ZNF624: variants seen among roughly 807,000 people sequenced by gnomAD.
ZNF624 encodes the protein zinc finger protein 624.
A neutral mutation model predicts 74.7 loss-of-function variants in ZNF624; 43 were observed. The observed-to-expected ratio is 0.58, with a 90% CI of 0.45 to 0.74. The LOEUF (loss-of-function observed/expected upper bound fraction) is 0.74. Ranked by LOEUF, ZNF624 falls within the 30% of genes least tolerant of loss-of-function variation. The probability of loss-of-function intolerance (pLI) is 0.00; values close to 1 mark genes in which losing one functional copy is unlikely to be tolerated. For missense variants in ZNF624, 820 were observed against 1,030.0 expected (o/e 0.80, Z 2.79); for synonymous variants, 331 against 341.3 (o/e 0.97, Z 0.33).
At chr17:16,629,954 G>A (rs1296690005) in intron 5 of ZNF624, among the ~76,000 whole-genome samples, 6 of 152,190 alleles carry the variant, frequency 3.9e-5, no homozygotes, top group Admixed American at 1.3e-4. Flanking sequence ...CATAAGTGAA[G>A]TTTTAGTGGA....
downstream of ZNF624, chr17:16,617,287 C>G: frequency 6.2e-7 from 1 of 1,613,726 alleles, no homozygotes; most frequent in Non-Finnish European, 8.5e-7. Flanking sequence ...TCTTCTAGAT[C>G]GAGACCTGGA....
Position 16,635,430 on chromosome 17 carries a change from T to C in ZNF624, c.154-674A>G, listed in dbSNP as rs554883888. Among the ~76,000 whole-genome samples, 37 of 152,142 alleles carry C rather than the reference T, an allele frequency of 2.4e-4. No homozygotes were observed. The South Asian group carries it at 3.3e-3, about 14-fold the overall frequency. On this transcript the variant is annotated intron_variant, in intron 3 of 5. Coordinates refer to ENST00000311331, the MANE Select transcript of ZNF624 (RefSeq NM_020787.4). ...GCTAGACTCCTTTGAATATTTGTTT[T>C]GTAGACTTGACTTTTGAACCATGTA... is the stretch of plus-strand genomic sequence containing the variant.
In ZNF624 at chr17:16,622,522, A is replaced by G. The variant is rs1403545112; in HGVS notation, c.2364T>C (p.Gly788=). ...GGGTTAGCTGTGATAGAGTAATACA[A>G]CCCTTTCCACATTCCTTACAGGTGT... ...KPYTCKECGK[G]CITLSQLTLH... is the part of the protein sequence containing the mutation. The change falls in exon 6 of 6, where the codon GGT becomes GGC. Residue 788 remains glycine, a synonymous_variant. Coordinates refer to ENST00000311331, the MANE Select transcript of ZNF624 (RefSeq NM_020787.4). 2 of 1,613,494 alleles carry G rather than the reference A, an allele frequency of 1.2e-6. No homozygotes were observed. The highest frequency in any genetic ancestry group is 3.3e-5 in the Admixed American group (2 of 59,964).
At chr17:16,632,838 T>G (rs1005414729) in intron 5 of ZNF624, among the ~76,000 whole-genome samples, 4 of 152,246 alleles carry the variant, frequency 2.6e-5, no homozygotes, top group African/African-American at 7.2e-5. Context: ...TACAAAGCCC[T>G]GCACAGGCAG....
intron 3 of ZNF624, among the ~76,000 whole-genome samples, chr17:16,635,408 A>G (rs1483932736): frequency 6.6e-6 from 1 of 152,182 alleles, no homozygotes; most frequent in Non-Finnish European, 1.5e-5. Flanking sequence ...AATGACAGCT[A>G]GACTCCTTTG....
intron 5 of ZNF624, among the ~76,000 whole-genome samples, chr17:16,632,060 A>G (rs868225771): frequency 8.5e-5 from 13 of 152,216 alleles, no homozygotes; most frequent in African/African-American, 2.9e-4. Context: ...ACCATAAAAA[A>G]TAACTTTCCC....
At chr17:16,617,798 G>A, downstream of ZNF624, 1 of 1,612,006 alleles carries the variant, frequency 6.2e-7, no homozygotes, top group Non-Finnish European at 8.5e-7. Context: ...CTACTTCGAG[G>A]AGGCGGCCAT....
intron 3 of ZNF624, among the ~76,000 whole-genome samples, chr17:16,640,441 A>G (rs995651780): frequency 7.9e-5 from 12 of 152,118 alleles, no homozygotes; most frequent in African/African-American, 2.9e-4. Flanking sequence ...GAGAACAGAA[A>G]AACAGCAGAG....
At chr17:16,615,960 T>TAC (rs1337961301), downstream of ZNF624, among the ~76,000 whole-genome samples, 22 of 43,248 alleles carry the variant, frequency 5.1e-4, no homozygotes, top group African/African-American at 3.7e-3. Context: ...CATATACATA[T>TAC]ATATATATAT....
chr17:16,637,171 G>A lies in ZNF624; in HGVS notation c.154-2415C>T, dbSNP rs1393444379. Among the ~76,000 whole-genome samples the A allele has an allele frequency of 2.0e-5, 3 of 152,292 alleles. No homozygotes were observed. The East Asian group carries it at 5.8e-4, about 29-fold the overall frequency. ...TAGGAATCCAACTTACAAGGGATGT[G>A]AAGGACCTCTTCAAGGAGAACTACA... On this transcript the variant is annotated intron_variant, in intron 3 of 5. Coordinates refer to ENST00000311331, the MANE Select transcript of ZNF624 (RefSeq NM_020787.4).
At position 16,623,266 on chromosome 17, in the gene ZNF624, ATAAT is replaced by A. The variant is rs1908971234; in HGVS notation, c.1616_1619del (p.Asn539IlefsTer32). The A allele has an allele frequency of 6.2e-7, 1 of 1,613,788 alleles. No homozygotes were observed. The highest frequency in any genetic ancestry group is 1.3e-5 in the African/African-American group (1 of 74,902). ...TTCTGTGGTGTACAGTAAGGCATGA[ATAAT>A]TAATGAATGCTTTCCCACATTCATT... is the stretch of plus-strand genomic sequence containing the variant. On this transcript the variant is annotated frameshift_variant, in exon 6 of 6. Transcript: ENST00000311331. LOFTEE classifies it high-confidence loss of function. The surrounding 1 kb of genome is among the most constrained non-coding windows in gnomAD (Gnocchi z 5.3).
At chr17:16,618,978 A>G (rs530654882), downstream of ZNF624, among the ~76,000 whole-genome samples, 1 of 152,304 alleles carries the variant, frequency 6.6e-6, no homozygotes, top group South Asian at 2.1e-4. Flanking sequence ...CTAACCCCCG[A>G]ATTGTTCAAA....
chr17:16,615,962 T>C (rs1454957931), downstream of ZNF624, among the ~76,000 whole-genome samples: 15 of 55,518 alleles, frequency 2.7e-4, no homozygotes, highest in East Asian at 2.9e-3. Flanking sequence ...TATACATATA[T>C]ATATATATAT....
intron 5 of ZNF624, among the ~76,000 whole-genome samples, chr17:16,627,486 T>C (rs1302689247): frequency 1.3e-5 from 2 of 152,212 alleles, no homozygotes; most frequent in African/African-American, 2.4e-5. Flanking sequence ...TGAAAGCATC[T>C]GAAAGCTAGA....
At chr17:16,644,284 T>C (rs1374792392) in intron 3 of ZNF624, among the ~76,000 whole-genome samples, 1 of 152,224 alleles carries the variant, frequency 6.6e-6, no homozygotes, top group Admixed American at 6.5e-5. Flanking sequence ...TCTAAGAATG[T>C]TGAGGGCATT....
At chr17:16,617,338 T>G (rs1450333433), downstream of ZNF624, 1 of 1,613,630 alleles carries the variant, frequency 6.2e-7, no homozygotes, top group Non-Finnish European at 8.5e-7. Context: ...TGTGCGTGGC[T>G]TATCTTCAAT....
chr17:16,617,520 G>T, downstream of ZNF624: 2 of 1,583,504 alleles, frequency 1.3e-6, no homozygotes, highest in Non-Finnish European at 8.7e-7. Flanking sequence ...CTCTCCAACT[G>T]CACAGACTAG....
At chr17:16,642,128 C>CT (rs948815056) in intron 3 of ZNF624, among the ~76,000 whole-genome samples, 12 of 151,268 alleles carry the variant, frequency 7.9e-5, no homozygotes, top group Non-Finnish European at 1.0e-4. Flanking sequence ...TTCCATCTGG[C>CT]TTTTTTTTTC....
chr17:16,634,571 C>T, intron 4 of ZNF624, 59 bp downstream of exon 4: 1 of 1,563,902 alleles, frequency 6.4e-7, no homozygotes, highest in Non-Finnish European at 8.6e-7. Context: ...GGCCCTTTAT[C>T]TTTGGCAAAC....
Sources: gnomAD v4.1 joint callset for allele counts (sites outside exome capture counted in the v4.1 genomes callset) on GRCh38, gnomAD v4.1.1 for gene constraint, Gnocchi (gnomAD v3.1) non-coding constraint, MANE v1.5 for transcripts, NCBI Gene and HGNC (gene_info 2026-07-23, HGNC 2026-07-21) for gene names.